Variants in UNC5C observed in about 807,000 individuals in gnomAD.
The protein encoded by UNC5C is unc-5 netrin receptor C, also known as netrin receptor UNC5C.
UNC5C carries 47 observed loss-of-function variants against 99.8 expected under a neutral mutation model. The observed-to-expected ratio is 0.47, with a 90% CI of 0.37 to 0.60. The LOEUF (loss-of-function observed/expected upper bound fraction) is 0.60, where lower values mean the gene tolerates loss of function less well. Among genes scored for constraint, UNC5C ranks in the 20% least tolerant of loss-of-function variants. The pLI, the probability that UNC5C is intolerant of heterozygous loss-of-function variation, is 0.00. For synonymous variants in UNC5C, 487 were observed against 452.2 expected (o/e 1.08, Z -0.98); for missense variants, 1,062 against 1,165.9 (o/e 0.91, Z 1.30).
At chr4:95,336,017 GT>G (rs1189988166) in intron 1 of UNC5C, among the ~76,000 whole-genome samples, 1 of 151,838 alleles carries the variant, frequency 6.6e-6, no homozygotes, top group Non-Finnish European at 1.5e-5. Context: ...TTAGAAACAT[GT>G]ATTTGAAAAT....
At chr4:95,318,779 CCT>C (rs1249968059) in intron 2 of UNC5C, among the ~76,000 whole-genome samples, 3 of 152,288 alleles carry the variant, frequency 2.0e-5, no homozygotes, top group African/African-American at 7.2e-5. Context: ...CCCACACTTC[CCT>C]CAGAAGGCTG....
chr4:95,442,928 T>C (rs1406184413), intron 1 of UNC5C, among the ~76,000 whole-genome samples: 1 of 152,118 alleles, frequency 6.6e-6, no homozygotes, highest in African/African-American at 2.4e-5. Context: ...CGCTGGCAGA[T>C]GTTTCCTAGG....
At chr4:95,224,391 C>CT (rs1167672696) in intron 7 of UNC5C, among the ~76,000 whole-genome samples, 1 of 152,234 alleles carries the variant, frequency 6.6e-6, no homozygotes, top group African/African-American at 2.4e-5. Flanking sequence ...TCCGAAATTT[C>CT]TCCCTGTAAA....
Position 95,278,195 on chromosome 4 carries a change from G to T in UNC5C, c.594+64C>A, listed in dbSNP as rs1033258563. The T allele has an allele frequency of 9.1e-6, 12 of 1,324,334 alleles. No individual in the cohort carries two copies. In the African/African-American group the frequency reaches 1.0e-4, roughly 11 times the overall value. The allele number at this position is 1,324,334 out of a possible 1,614,324, so 82.0% of individuals were successfully genotyped here. On this transcript the variant is annotated intron_variant, in intron 4 of 15. Transcript: ENST00000453304. ...CTAATTCACTGCACCATTAGCCATGGATTAGGCCTCTGTTAGAATAACTTA... is the reference window on the plus strand; with the variant it reads ...CTAATTCACTGCACCATTAGCCATGTATTAGGCCTCTGTTAGAATAACTTA...
intron 4 of UNC5C, among the ~76,000 whole-genome samples, chr4:95,255,113 G>A (rs1329348604): frequency 6.6e-6 from 1 of 151,942 alleles, no homozygotes; most frequent in African/African-American, 2.4e-5. Context: ...ATGAGTAGCT[G>A]GGATTACAGG....
intron 1 of UNC5C, among the ~76,000 whole-genome samples, chr4:95,401,103 C>T (rs1244979593): frequency 6.6e-6 from 1 of 151,762 alleles, no homozygotes; most frequent in Non-Finnish European, 1.5e-5. Flanking sequence ...ACTTTTTGTC[C>T]TTGAGATATA....
chr4:95,424,896 A>T (rs1746433911), intron 1 of UNC5C, among the ~76,000 whole-genome samples: 1 of 151,938 alleles, frequency 6.6e-6, no homozygotes, highest in Non-Finnish European at 1.5e-5. Flanking sequence ...CTTAAATTCA[A>T]ACCCAGACAC....
At chr4:95,518,813 G>C (rs1015237643) in intron 1 of UNC5C, among the ~76,000 whole-genome samples, 3 of 152,140 alleles carry the variant, frequency 2.0e-5, no homozygotes, top group African/African-American at 7.2e-5. Flanking sequence ...AAAGATTTAA[G>C]TCCTTATAAG....
chr4:95,312,531 G>A (rs1742313183), intron 2 of UNC5C, among the ~76,000 whole-genome samples: 1 of 152,080 alleles, frequency 6.6e-6, no homozygotes, highest in South Asian at 2.1e-4. Flanking sequence ...CAATCCTTGG[G>A]GATTCATACT....
intron 1 of UNC5C, among the ~76,000 whole-genome samples, chr4:95,492,289 T>A (rs910641435): frequency 2.0e-5 from 3 of 151,400 alleles, no homozygotes; most frequent in African/African-American, 7.3e-5. Context: ...TGTGTTTGCT[T>A]CTATCATGCT....
intron 1 of UNC5C, among the ~76,000 whole-genome samples, chr4:95,511,759 G>C (rs1722081857): frequency 6.6e-6 from 1 of 152,014 alleles, no homozygotes; most frequent in Non-Finnish European, 1.5e-5. Flanking sequence ...TCGTACATGT[G>C]GGAGAAAGAT....
In UNC5C at chr4:95,206,475, G is replaced by T. The variant is rs140322469; in HGVS notation, c.1902+153C>A. On this transcript the variant is annotated intron_variant, in intron 11 of 15. Coordinates refer to ENST00000453304, the MANE Select transcript of UNC5C (RefSeq NM_003728.4). ...GTCAATCAGAAGATATAACACTCAGGAACTAGTCTGCCTGCCTGTTTCTCT... is the reference window on the plus strand; with the variant it reads ...GTCAATCAGAAGATATAACACTCAGTAACTAGTCTGCCTGCCTGTTTCTCT... Among the ~76,000 whole-genome samples, 353 of 152,212 alleles carry T rather than the reference G, an allele frequency of 2.3e-3. 1 individual carries two copies. Among genetic ancestry groups the T allele is most frequent in the African/African-American group, 8.0e-3 (334 of 41,538 alleles).
intron 1 of UNC5C, among the ~76,000 whole-genome samples, chr4:95,443,826 G>A (rs1747019155): frequency 6.6e-6 from 1 of 151,782 alleles, no homozygotes; most frequent in Admixed American, 6.6e-5. Context: ...TCAAAGTACT[G>A]GTAGGATTTG....
intron 7 of UNC5C, among the ~76,000 whole-genome samples, chr4:95,237,585 G>T (rs2149376278): frequency 6.6e-6 from 1 of 152,118 alleles, no homozygotes; most frequent in African/African-American, 2.4e-5. Context: ...TAATTTTTCA[G>T]TTGAAATTAA....
chr4:95,453,434 A>G (rs1747330577), intron 1 of UNC5C, among the ~76,000 whole-genome samples: 1 of 152,082 alleles, frequency 6.6e-6, no homozygotes, highest in Non-Finnish European at 1.5e-5. Flanking sequence ...CTTCAAACTA[A>G]TTTCAGGAAA....
At chr4:95,201,609 CTT>C (rs748815532) in intron 12 of UNC5C, among the ~76,000 whole-genome samples, 2 of 144,886 alleles carry the variant, frequency 1.4e-5, no homozygotes, top group African/African-American at 2.5e-5. Context: ...AGAGAGTCTT[CTT>C]TTTTTTTTTT....
chr4:95,369,846 G>A (rs1405500485), intron 1 of UNC5C, among the ~76,000 whole-genome samples: 3 of 151,566 alleles, frequency 2.0e-5, no homozygotes, highest in Admixed American at 1.3e-4. Context: ...GGAAGAAAAC[G>A]AGTTGAAATG....
chr4:95,468,107 A>T (rs1747846595), intron 1 of UNC5C, among the ~76,000 whole-genome samples: 1 of 147,764 alleles, frequency 6.8e-6, no homozygotes, highest in South Asian at 2.1e-4. Flanking sequence ...ACTGAAATAC[A>T]TCATAATATC....
At chr4:95,382,021 A>G (rs891370500) in intron 1 of UNC5C, among the ~76,000 whole-genome samples, 7 of 152,186 alleles carry the variant, frequency 4.6e-5, no homozygotes, top group Non-Finnish European at 8.8e-5. Context: ...CAGACGAAGT[A>G]AGAAGCTTGT....
Sources: gnomAD v4.1 joint callset for allele counts (sites outside exome capture counted in the v4.1 genomes callset) on GRCh38, gnomAD v4.1.1 for gene constraint, MANE v1.5 for transcripts, NCBI Gene and HGNC (gene_info 2026-07-23, HGNC 2026-07-21) for gene names.